SGCZ: variants seen among roughly 807,000 people sequenced by gnomAD.
SGCZ encodes the protein sarcoglycan zeta.
SGCZ carries 40 observed loss-of-function variants against 41.3 expected under a neutral mutation model. The ratio of observed to expected loss-of-function variants is 0.97; its 90% CI spans 0.75 to 1.26. The LOEUF (loss-of-function observed/expected upper bound fraction) is 1.26, where lower values mean the gene tolerates loss of function less well. SGCZ is among the 50% of genes most tolerant of loss of function. SGCZ has a pLI of 0.00. For missense variants in SGCZ, 552 were observed against 369.8 expected, an observed-to-expected ratio of 1.49 and a Z score of -4.04; for synonymous variants, 206 against 137.5, an observed-to-expected ratio of 1.50 and a Z score of -3.49.
intron 3 of SGCZ, among the ~76,000 whole-genome samples, chr8:14,305,712 T>C (rs1239143593): frequency 6.6e-6 from 1 of 152,188 alleles, no homozygotes; most frequent in East Asian, 1.9e-4. Flanking sequence ...TCGCTGTATT[T>C]CCCTTTGCAA....
intron 1 of SGCZ, among the ~76,000 whole-genome samples, chr8:14,915,537 C>T (rs909588850): frequency 6.6e-6 from 1 of 152,172 alleles, no homozygotes; most frequent in South Asian, 2.1e-4. Context: ...GCGGCCCCAT[C>T]TTCCCTCCTC....
intron 3 of SGCZ, among the ~76,000 whole-genome samples, chr8:14,295,709 G>C (rs1800986751): frequency 6.6e-6 from 1 of 152,080 alleles, no homozygotes; most frequent in Non-Finnish European, 1.5e-5. Flanking sequence ...TTTTATGAAG[G>C]TTTTCTGCCT....
chr8:14,299,148 C>A (rs1286662343), intron 3 of SGCZ, among the ~76,000 whole-genome samples: 1 of 151,966 alleles, frequency 6.6e-6, no homozygotes, highest in African/African-American at 2.4e-5. Flanking sequence ...ATCAATCACC[C>A]TCAAACCATG....
chr8:14,958,759 G>T (rs565600985), intron 1 of SGCZ, among the ~76,000 whole-genome samples: 1 of 151,996 alleles, frequency 6.6e-6, no homozygotes, highest in Admixed American at 6.6e-5. Context: ...ACTCTATGAT[G>T]TTGCATGCTT....
intron 1 of SGCZ, among the ~76,000 whole-genome samples, chr8:14,748,678 G>C (rs889751794): frequency 6.6e-6 from 1 of 152,152 alleles, no homozygotes; most frequent in Non-Finnish European, 1.5e-5. Flanking sequence ...GATGAATCAT[G>C]AAGGAATCAT....
chr8:14,274,503 G>A (rs1447844696), intron 3 of SGCZ, among the ~76,000 whole-genome samples: 2 of 152,092 alleles, frequency 1.3e-5, no homozygotes, highest in East Asian at 1.9e-4. Flanking sequence ...TATAAAGAAT[G>A]AAAACCTCTG....
intron 1 of SGCZ, among the ~76,000 whole-genome samples, chr8:14,794,704 G>C (rs1801069109): frequency 1.3e-5 from 2 of 152,234 alleles, no homozygotes; most frequent in South Asian, 2.1e-4. Context: ...CCAACGCAAA[G>C]GATGAAAATA....
At chr8:14,239,127 T>A (rs1048094258) in intron 3 of SGCZ, among the ~76,000 whole-genome samples, 2 of 152,066 alleles carry the variant, frequency 1.3e-5, no homozygotes, top group African/African-American at 2.4e-5. Flanking sequence ...TCAAGTGATA[T>A]ATCCAAATTC....
chr8:14,600,105 C>T (rs1338349460), intron 1 of SGCZ, among the ~76,000 whole-genome samples: 2 of 152,046 alleles, frequency 1.3e-5, no homozygotes, highest in Admixed American at 6.6e-5. Context: ...CTAGTAGTAG[C>T]ATTTAACCCA....
At chr8:14,175,392 T>C (rs1473851030) in intron 4 of SGCZ, among the ~76,000 whole-genome samples, 1 of 152,036 alleles carries the variant, frequency 6.6e-6, no homozygotes, top group Non-Finnish European at 1.5e-5. Flanking sequence ...ATGTAAGAAG[T>C]ACTGAATATA....
intron 2 of SGCZ, among the ~76,000 whole-genome samples, chr8:14,439,807 CTTATA>C (rs1335692046): frequency 6.6e-6 from 1 of 151,892 alleles, no homozygotes; most frequent in Non-Finnish European, 1.5e-5. Flanking sequence ...AAGCCTGGAA[CTTATA>C]TTATGCTTAA....
intron 1 of SGCZ, among the ~76,000 whole-genome samples, chr8:15,088,181 T>C (rs1034144556): frequency 6.6e-6 from 1 of 152,102 alleles, no homozygotes; most frequent in Non-Finnish European, 1.5e-5. Flanking sequence ...TATTATTGAT[T>C]ACCTATGTTT....
chr8:14,230,763 T>G (rs770869332), intron 4 of SGCZ, among the ~76,000 whole-genome samples: 42 of 126,714 alleles, frequency 3.3e-4, no homozygotes, highest in Non-Finnish European at 5.8e-4. Context: ...TTTTTGGTGG[T>G]GGTGGGGGGG....
chr8:14,436,150 T>A (rs1800084734), intron 2 of SGCZ, among the ~76,000 whole-genome samples: 1 of 152,140 alleles, frequency 6.6e-6, no homozygotes, highest in African/African-American at 2.4e-5. Context: ...CCGTGATGTT[T>A]CGATCCTCTG....
intron 2 of SGCZ, among the ~76,000 whole-genome samples, chr8:14,389,688 C>A (rs1348122086): frequency 6.6e-6 from 1 of 151,452 alleles, no homozygotes; most frequent in Non-Finnish European, 1.5e-5. Context: ...AAAAATATGC[C>A]CAAGAAGTGT....
intron 1 of SGCZ, among the ~76,000 whole-genome samples, chr8:14,616,259 G>A (rs1158598355): frequency 2.0e-5 from 3 of 149,944 alleles, no homozygotes; most frequent in Admixed American, 6.7e-5. Flanking sequence ...CTCCAACCTG[G>A]GCCACAGAGC....
intron 2 of SGCZ, among the ~76,000 whole-genome samples, chr8:14,398,819 T>C (rs1256123765): frequency 6.6e-6 from 1 of 152,126 alleles, no homozygotes; most frequent in African/African-American, 2.4e-5. Context: ...AGAGCTCACA[T>C]AGCAGGTGGC....
At chr8:14,212,559 A>G (rs1805853940) in intron 4 of SGCZ, among the ~76,000 whole-genome samples, 1 of 152,146 alleles carries the variant, frequency 6.6e-6, no homozygotes, top group African/African-American at 2.4e-5. Flanking sequence ...TAGCCTACAC[A>G]TTAAACCTAA....
intron 1 of SGCZ, among the ~76,000 whole-genome samples, chr8:14,711,016 A>G (rs796314128): frequency 2.0e-4 from 31 of 152,324 alleles, no homozygotes; most frequent in African/African-American, 7.5e-4. Context: ...GACGTATGAC[A>G]TATATACCCT....
Sources: allele counts gnomAD v4.1 joint callset (sites outside exome capture counted in the v4.1 genomes callset), GRCh38; gene constraint gnomAD v4.1.1; transcripts MANE v1.5; gene names NCBI Gene and HGNC (gene_info 2026-07-23, HGNC 2026-07-21).